PALS2: variants seen among roughly 807,000 people sequenced by gnomAD.
The protein encoded by PALS2 is protein associated with LIN7 2, MAGUK p55 family member, also known as protein PALS2.
Under a neutral mutation model 61.6 loss-of-function variants are expected in PALS2, and 27 were observed. That is an observed-to-expected ratio of 0.44 (90% CI 0.32 to 0.60). The LOEUF (loss-of-function observed/expected upper bound fraction) is 0.60, where lower values mean the gene tolerates loss of function less well. Ranked by LOEUF, PALS2 falls within the 20% of genes least tolerant of loss-of-function variation. PALS2 has a pLI of 0.05. For synonymous variants in PALS2, 236 were observed against 218.6 expected, an observed-to-expected ratio of 1.08 and a Z score of -0.70; for missense variants, 554 against 639.4, an observed-to-expected ratio of 0.87 and a Z score of 1.44.
intron 1 of PALS2, among the ~76,000 whole-genome samples, chr7:24,609,917 G>A (rs527844358): frequency 1.3e-5 from 2 of 152,176 alleles, no homozygotes; most frequent in South Asian, 2.1e-4. Flanking sequence ...TCTAGGAATG[G>A]TTTAGGAAAT....
intron 1 of PALS2, among the ~76,000 whole-genome samples, chr7:24,584,975 A>G (rs1013139138): frequency 2.6e-5 from 4 of 151,384 alleles, no homozygotes; most frequent in South Asian, 2.1e-4. Context: ...ATAGTTGTAG[A>G]TATGTGGCAT....
intron 1 of PALS2, among the ~76,000 whole-genome samples, chr7:24,605,223 A>T (rs1469089805): frequency 6.6e-6 from 1 of 152,188 alleles, no homozygotes; most frequent in African/African-American, 2.4e-5. Context: ...GAAAGAAATC[A>T]TTGTGATATG....
rs1404173125 is a variant in PALS2, at chr7:24,655,962, C to G, written c.651+5250C>G. 2.6e-5 allele frequency among the ~76,000 whole-genome samples: 4 copies of G among 152,076 alleles called. No individual in the cohort carries two copies. The East Asian group carries it at 7.7e-4, about 29-fold the overall frequency. On this transcript the variant is annotated intron_variant, in intron 5 of 11. Transcript: ENST00000222644. ...CCAAACATACCTTCTTGTTATCTTGCTGTTATCAAAAATGTGTGTGTACAT... is the reference window on the plus strand; with the variant it reads ...CCAAACATACCTTCTTGTTATCTTGGTGTTATCAAAAATGTGTGTGTACAT...
rs2128041813 is a variant in PALS2, at chr7:24,692,025, T to C, written c.*4411T>C. The C allele has an allele frequency of 6.6e-6, 1 of 152,274 alleles. No individual in the cohort carries two copies. The highest frequency in any genetic ancestry group is 2.4e-5 in the African/African-American group (1 of 41,572). The allele number at this position is 152,274 out of a possible 1,614,324, so 9.4% of individuals were successfully genotyped here. The stretch of plus-strand genomic sequence containing the variant: ...TGACAGTTCTATAATTTTTTTAAGG[T>C]AAGGTTATTTTTAAATTGCATTTTT... On this transcript the variant is annotated 3_prime_UTR_variant, in exon 12 of 12. Coordinates refer to ENST00000222644, the MANE Select transcript of PALS2 (RefSeq NM_001303037.2).
At chr7:24,631,767 A>G (rs1785006438) in intron 2 of PALS2, among the ~76,000 whole-genome samples, 2 of 152,200 alleles carry the variant, frequency 1.3e-5, no homozygotes, top group Admixed American at 1.3e-4. Flanking sequence ...TCAAGACAAG[A>G]CCTTACACAG....
intron 5 of PALS2, among the ~76,000 whole-genome samples, chr7:24,661,809 CTTTA>C (rs778253852): frequency 5.3e-5 from 8 of 152,188 alleles, no homozygotes; most frequent in Admixed American, 2.6e-4. Flanking sequence ...AAAAGTCTGG[CTTTA>C]TTTATGCAAT....
intron 1 of PALS2, among the ~76,000 whole-genome samples, chr7:24,599,525 T>TTTTTTTTTG: frequency 5.5e-4 from 79 of 143,702 alleles, no homozygotes; most frequent in African/African-American, 1.6e-3. Context: ...TTTTTTTTTT[T>TTTTTTTTTG]ATGGAGTCTT....
intron 1 of PALS2, among the ~76,000 whole-genome samples, chr7:24,614,446 G>A (rs1461323268): frequency 2.6e-5 from 4 of 151,798 alleles, no homozygotes; most frequent in East Asian, 3.9e-4. Flanking sequence ...TATGTAAATA[G>A]TAACAATTTG....
At position 24,688,633 on chromosome 7, in the gene PALS2, G is replaced by A. The variant is rs1788321641; in HGVS notation, c.*1019G>A. 6.6e-6 allele frequency: 1 copy of A among 151,538 alleles called. No individual in the cohort carries two copies. The highest frequency in any genetic ancestry group is 2.4e-5 in the African/African-American group (1 of 41,204). The allele number at this position is 151,538 out of a possible 1,614,324, so 9.4% of individuals were successfully genotyped here. A position where few individuals can be genotyped will look rare whatever the true frequency, so the allele number is the denominator to read the frequency against. On this transcript the variant is annotated 3_prime_UTR_variant, in exon 12 of 12. Coordinates refer to ENST00000222644, the MANE Select transcript of PALS2 (RefSeq NM_001303037.2). ...ATGTGATCCTTAGGGTACCTGTTTTGTCTGTTGTGTTGAGAACCAAACCCA... is the reference window on the plus strand; with the variant it reads ...ATGTGATCCTTAGGGTACCTGTTTTATCTGTTGTGTTGAGAACCAAACCCA...
chr7:24,605,175 A>T (rs966313408), intron 1 of PALS2, among the ~76,000 whole-genome samples: 1 of 152,230 alleles, frequency 6.6e-6, no homozygotes, highest in Non-Finnish European at 1.5e-5. Context: ...ACATTTTACT[A>T]TTACTAAACT....
intron 3 of PALS2, among the ~76,000 whole-genome samples, chr7:24,648,417 C>T (rs903919308): frequency 3.3e-5 from 5 of 151,148 alleles, no homozygotes; most frequent in South Asian, 2.1e-4. Context: ...CTCAGCCTCC[C>T]GAGTAGCTGG....
chr7:24,582,509 G>C lies in PALS2; in HGVS notation c.-3+8916G>C, dbSNP rs113247371. Among the ~76,000 whole-genome samples, 275 of 152,042 alleles carry C rather than the reference G, an allele frequency of 1.8e-3. 1 individual carries two copies. The highest frequency in any genetic ancestry group is 6.4e-3 in the African/African-American group (264 of 41,492). ...ATACTTTATTGGTATTACCAGCTTA[G>C]TGCTTGCGTTACTTTTCTAAAAGAA... is the stretch of plus-strand genomic sequence containing the variant. On this transcript the variant is annotated intron_variant, in intron 1 of 11. Coordinates refer to ENST00000222644, the MANE Select transcript of PALS2 (RefSeq NM_001303037.2).
chr7:24,631,189 A>G (rs1007109498), intron 2 of PALS2, among the ~76,000 whole-genome samples: 1 of 152,222 alleles, frequency 6.6e-6, no homozygotes, highest in African/African-American at 2.4e-5. Flanking sequence ...AGAAGGTCAG[A>G]ATATCAACAT....
intron 10 of PALS2, among the ~76,000 whole-genome samples, chr7:24,679,820 A>C (rs1787822345): frequency 6.6e-6 from 1 of 152,160 alleles, no homozygotes; most frequent in Non-Finnish European, 1.5e-5. Context: ...AAAAATTGTT[A>C]ATAGTTTCTT....
At chr7:24,650,384 C>A in intron 4 of PALS2, 101 bp from the exon 5 acceptor site, 2 of 962,254 alleles carry the variant, frequency 2.1e-6, no homozygotes, top group Non-Finnish European at 3.0e-6. Context: ...AAGAATGATT[C>A]ATTTTACCTA....
At chr7:24,681,677 G>C (rs1371950281) in intron 11 of PALS2, among the ~76,000 whole-genome samples, 1 of 151,900 alleles carries the variant, frequency 6.6e-6, no homozygotes, top group African/African-American at 2.4e-5. Flanking sequence ...AACATGTACA[G>C]CTTGATCAGT....
chr7:24,677,050 G>C (rs796353104), intron 9 of PALS2, among the ~76,000 whole-genome samples: 23 of 148,664 alleles, frequency 1.5e-4, no homozygotes, highest in African/African-American at 4.7e-4. Context: ...CTTTTATTTC[G>C]TTGAGCAGTG....
At chr7:24,609,308 A>G (rs549458102) in intron 1 of PALS2, among the ~76,000 whole-genome samples, 6 of 152,276 alleles carry the variant, frequency 3.9e-5, no homozygotes, top group Non-Finnish European at 8.8e-5. Context: ...TCAGGCACTG[A>G]GTAAGTGGTG....
At chr7:24,642,047 A>G (rs1785585321) in intron 3 of PALS2, among the ~76,000 whole-genome samples, 179 bp downstream of exon 3, 1 of 152,182 alleles carries the variant, frequency 6.6e-6, no homozygotes. Context: ...AAAGAGACAT[A>G]TGTAACAATA....
Sources: allele counts gnomAD v4.1 joint callset (sites outside exome capture counted in the v4.1 genomes callset), GRCh38; gene constraint gnomAD v4.1.1; transcripts MANE v1.5; gene names NCBI Gene and HGNC (gene_info 2026-07-23, HGNC 2026-07-21).